HSD17B12: variants seen among roughly 807,000 people sequenced by gnomAD.
The protein encoded by HSD17B12 is hydroxysteroid 17-beta dehydrogenase 12.
HSD17B12 carries 32 observed loss-of-function variants against 39.3 expected under a neutral mutation model. The ratio of observed to expected loss-of-function variants is 0.81; its 90% confidence interval spans 0.61 to 1.09. The LOEUF (loss-of-function observed/expected upper bound fraction) is 1.09, where lower values mean the gene tolerates loss of function less well. HSD17B12 is among the 50% of genes least tolerant of loss of function. The pLI, the probability that HSD17B12 is intolerant of heterozygous loss-of-function variation, is 0.00. For synonymous variants in HSD17B12, 150 were observed against 146.7 expected (o/e 1.02, Z -0.16); for missense variants, 342 against 382.9 (o/e 0.89, Z 0.89).
At chr11:43,836,339 C>T (rs1951370392) in intron 7 of HSD17B12, among the ~76,000 whole-genome samples, 1 of 152,114 alleles carries the variant, frequency 6.6e-6, no homozygotes, top group African/African-American at 2.4e-5. Flanking sequence ...TACAAGGATG[C>T]TTAGGATGCA....
chr11:43,814,439 A>G (rs1221897120), intron 4 of HSD17B12, among the ~76,000 whole-genome samples: 25 of 152,202 alleles, frequency 1.6e-4, no homozygotes. Flanking sequence ...ATTTAGTTAA[A>G]ATAAATTCTA....
At chr11:43,792,682 CTTTT>C (rs60140879) in intron 3 of HSD17B12, among the ~76,000 whole-genome samples, 16 of 101,294 alleles carry the variant, frequency 1.6e-4, no homozygotes, top group Non-Finnish European at 2.8e-4. Context: ...TCAATGTAAC[CTTTT>C]TTTTTTTTTT....
the HSD17B12 span, among the ~76,000 whole-genome samples, chr11:43,573,044 T>C: frequency 0.018 from 2,730 of 152,308 alleles, 34 homozygotes; most frequent in Middle Eastern, 0.027. Flanking sequence ...TCAGTTCTTT[T>C]CAAGGGCTTC....
At chr11:43,594,336 GAGGGAAAGATTCTTTT>G in the HSD17B12 span, among the ~76,000 whole-genome samples, 1 of 151,974 alleles carries the variant, frequency 6.6e-6, no homozygotes, top group East Asian at 1.9e-4. Context: ...TACAGATTTG[GAGGGAAAGATTCTTTT>G]AGGGAAAATT....
intron 1 of HSD17B12, among the ~76,000 whole-genome samples, chr11:43,709,273 G>A (rs1418263788): frequency 1.3e-5 from 2 of 152,162 alleles, no homozygotes; most frequent in Non-Finnish European, 2.9e-5. Flanking sequence ...TTACAGGCGC[G>A]CACCACCACA....
intron 6 of HSD17B12, 103 bp downstream of exon 6, chr11:43,816,494 C>A (rs1380138923): frequency 1.0e-6 from 1 of 954,102 alleles, no homozygotes; most frequent in Non-Finnish European, 1.4e-6. Flanking sequence ...TGTTTAGATG[C>A]AGATACATGT....
the HSD17B12 span, among the ~76,000 whole-genome samples, chr11:43,672,828 G>C: frequency 3.3e-5 from 5 of 152,094 alleles, no homozygotes; most frequent in African/African-American, 1.2e-4. Context: ...GGCGTGAGTC[G>C]CCGCACCCTG....
At chr11:43,562,362 A>G in the HSD17B12 span, among the ~76,000 whole-genome samples, 2,125 of 152,326 alleles carry the variant, frequency 0.014, 50 homozygotes, top group African/African-American at 0.045. Flanking sequence ...CGTGCATTCA[A>G]ATCTTTCTTA....
chr11:43,840,494 T>C (rs1309039670), intron 9 of HSD17B12, among the ~76,000 whole-genome samples: 1 of 152,148 alleles, frequency 6.6e-6, no homozygotes, highest in African/African-American at 2.4e-5. Flanking sequence ...AGAACTTTTT[T>C]CATCTTCCAA....
intron 3 of HSD17B12, among the ~76,000 whole-genome samples, chr11:43,765,247 G>GA (rs541012528): frequency 1.4e-4 from 21 of 148,950 alleles, no homozygotes; most frequent in South Asian, 6.4e-4. Context: ...TTGTATATCT[G>GA]AAAAAAAAAC....
At chr11:43,632,575 G>C in the HSD17B12 span, among the ~76,000 whole-genome samples, 1 of 152,122 alleles carries the variant, frequency 6.6e-6, no homozygotes, top group African/African-American at 2.4e-5. Context: ...AGAGTGGTAA[G>C]GGGAGGTGGC....
At chr11:43,589,136 G>GCT in the HSD17B12 span, among the ~76,000 whole-genome samples, 1 of 152,164 alleles carries the variant, frequency 6.6e-6, no homozygotes, top group African/African-American at 2.4e-5. Flanking sequence ...GCAAGAATAT[G>GCT]TAACACTATT....
chr11:43,684,352 G>A (rs932881223), intron 1 of HSD17B12, among the ~76,000 whole-genome samples: 21 of 152,210 alleles, frequency 1.4e-4, no homozygotes, highest in African/African-American at 5.1e-4. Context: ...GATAACAAAG[G>A]TGGTCAGTTT....
intron 1 of HSD17B12, among the ~76,000 whole-genome samples, chr11:43,693,990 A>G (rs1299987633): frequency 5.9e-5 from 9 of 152,240 alleles, no homozygotes; most frequent in Non-Finnish European, 1.3e-4. Context: ...TAAGGAGGCG[A>G]TGATCTCCTT....
the HSD17B12 span, among the ~76,000 whole-genome samples, chr11:43,671,637 TATG>T: frequency 1.3e-5 from 2 of 152,268 alleles, no homozygotes; most frequent in South Asian, 2.1e-4. Flanking sequence ...AAGATTTCAC[TATG>T]ATATTTTTAA....
intron 6 of HSD17B12, among the ~76,000 whole-genome samples, chr11:43,828,912 T>C (rs2135106898): frequency 6.6e-6 from 1 of 152,362 alleles, no homozygotes; most frequent in East Asian, 1.9e-4. Flanking sequence ...TAACGATTTG[T>C]ATATACATAC....
intron 3 of HSD17B12, among the ~76,000 whole-genome samples, chr11:43,765,703 T>C (rs1950589310): frequency 6.6e-6 from 1 of 152,226 alleles, no homozygotes; most frequent in African/African-American, 2.4e-5. Context: ...AGTGTTTATT[T>C]ATATGCCTTC....
chr11:43,682,673 A>G (rs866666770), intron 1 of HSD17B12, among the ~76,000 whole-genome samples: 11 of 152,228 alleles, frequency 7.2e-5, no homozygotes, highest in African/African-American at 2.4e-4. Context: ...AAGACTTTTG[A>G]CTACAAAAGA....
At chr11:43,810,367 TTATATATATATATATATATATATATA>T (rs59970877) in intron 4 of HSD17B12, among the ~76,000 whole-genome samples, 1 of 59,700 alleles carries the variant, frequency 1.7e-5, no homozygotes, top group Non-Finnish European at 3.5e-5. Context: ...AATTTAGAAA[TTATATATATATATATATATATATATA>T]TATATATATA....
Sources: gnomAD v4.1 joint callset for allele counts (sites outside exome capture counted in the v4.1 genomes callset) on GRCh38, gnomAD v4.1.1 for gene constraint, MANE v1.5 for transcripts, NCBI Gene and HGNC (gene_info 2026-07-23, HGNC 2026-07-21) for gene names.